Variants in WNK3 observed in about 807,000 individuals in gnomAD.
The protein encoded by WNK3 is WNK lysine deficient protein kinase 3.
In WNK3, 18 loss-of-function variants were observed where a neutral mutation model predicts 116.7. The ratio of observed to expected loss-of-function variants is 0.15; its 90% CI spans 0.11 to 0.23. The LOEUF is 0.23. Ranked by LOEUF, WNK3 falls within the 10% of genes least tolerant of loss-of-function variation. The pLI, the probability that WNK3 is intolerant of heterozygous loss-of-function variation, is 1.00. For synonymous variants in WNK3, 404 were observed against 469.4 expected (o/e 0.86, Z 1.80); for missense variants, 993 against 1,323.8 (o/e 0.75, Z 3.88).
At position 54,355,682 on chromosome X, in the gene WNK3, A is replaced by G. The variant is rs1257942022; in HGVS notation, c.-120+2004T>C. On this transcript the variant is annotated intron_variant, in intron 1 of 23. Coordinates refer to ENST00000354646, the Ensembl canonical transcript of WNK3. ...GTTTATGTTATTCCCCTTCTTAAAC[A>G]ATCAAGAGTTCCTAATTCACCCCAG... 1.3e-4 allele frequency among the ~76,000 whole-genome samples: 15 copies of G among 111,430 alleles called. No individual in the cohort carries two copies. In the Admixed American group the frequency reaches 1.5e-3, roughly 11 times the overall value.
intron 17 of WNK3, among the ~76,000 whole-genome samples, chrX:54,242,382 A>G (rs1462655613): frequency 8.9e-6 from 1 of 112,012 alleles, no homozygotes; most frequent in African/African-American, 3.2e-5. Context: ...TGCAATCCCT[A>G]TCAAAACCCC....
intron 5 of WNK3, among the ~76,000 whole-genome samples, chrX:54,304,496 G>A (rs781841321): frequency 9.0e-4 from 97 of 107,884 alleles, no homozygotes; most frequent in African/African-American, 2.9e-3. Context: ...AGCCAAGATC[G>A]TACCACTGTA....
chrX:54,280,958 A>G (rs1285667385), intron 10 of WNK3, among the ~76,000 whole-genome samples: 5 of 111,609 alleles, frequency 4.5e-5, no homozygotes, highest in African/African-American at 1.6e-4. Context: ...TTAAAAAAAA[A>G]AGATTTTCTG....
chrX:54,200,719 C>T (rs2067492948), intron 23 of WNK3, among the ~76,000 whole-genome samples: 2 of 111,593 alleles, frequency 1.8e-5, no homozygotes, highest in African/African-American at 6.5e-5. Context: ...CTCCATTATA[C>T]TCCAGTAAAC....
chrX:54,293,778 T>C (rs1441120370), intron 8 of WNK3, among the ~76,000 whole-genome samples: 1 of 112,609 alleles, frequency 8.9e-6, no homozygotes, highest in Non-Finnish European at 1.9e-5. Flanking sequence ...ATTAGAGGAA[T>C]TGTGTTAATG....
In WNK3 at chrX:54,334,591, C is replaced by T. The variant is rs140071055; in HGVS notation, c.-119-799G>A. Among the ~76,000 whole-genome samples the T allele has an allele frequency of 1.4e-3, 152 of 109,543 alleles. 1 individual carries two copies. Among genetic ancestry groups the T allele is most frequent in the African/African-American group, 4.8e-3 (145 of 30,284 alleles). On this transcript the variant is annotated intron_variant, in intron 1 of 23. Coordinates refer to ENST00000354646, the Ensembl canonical transcript of WNK3. ...ATAATATTCCATATGTTATAGACCA[C>T]ATTTTGTTCATCCCATTCATCTGCC... is the stretch of plus-strand genomic sequence containing the variant.
intron 10 of WNK3, among the ~76,000 whole-genome samples, chrX:54,290,625 C>T (rs111862649): frequency 1.9e-4 from 21 of 111,709 alleles, no homozygotes; most frequent in Middle Eastern, 4.6e-3. Flanking sequence ...TCTTATTTAT[C>T]GCAATTTACT....
At chrX:54,327,899 T>C (rs2069124379) in intron 2 of WNK3, among the ~76,000 whole-genome samples, 1 of 108,679 alleles carries the variant, frequency 9.2e-6, no homozygotes, top group African/African-American at 3.4e-5. Flanking sequence ...GCCCACAAGG[T>C]CAAGGCTACA....
intron 22 of WNK3, among the ~76,000 whole-genome samples, chrX:54,226,073 G>C (rs1471578438): frequency 1.4e-5 from 1 of 68,975 alleles, no homozygotes; most frequent in Non-Finnish European, 2.4e-5. Flanking sequence ...AAAGTGCTAG[G>C]ACAAGGAGAT....
chrX:54,267,603 T>C (rs1557158051), intron 10 of WNK3, among the ~76,000 whole-genome samples: 1 of 109,605 alleles, frequency 9.1e-6, no homozygotes, highest in Admixed American at 9.8e-5. Flanking sequence ...CTGGCCAACA[T>C]GGTGAAACCC....
At chrX:54,228,872 A>G in intron 21 of WNK3, 129 bp from the exon 22 acceptor site, 1 of 361,784 alleles carries the variant, frequency 2.8e-6, no homozygotes. Context: ...TACAGTTAAC[A>G]TTATAATTTA....
In WNK3 at chrX:54,207,091, T is replaced by TA. The variant is rs782714833; in HGVS notation, c.4871-4899dup. On this transcript the variant is annotated intron_variant, in intron 22 of 23. Coordinates refer to ENST00000354646, the Ensembl canonical transcript of WNK3. Reference sequence around the variant, plus strand: ...TGCTGTTTTCAGATAAAATGCTGCTTAAAAAAAAAAAAAGCTTCAACAGTT... The same window carrying TA: ...TGCTGTTTTCAGATAAAATGCTGCTTAAAAAAAAAAAAAAGCTTCAACAGTT... 1.8e-3 allele frequency among the ~76,000 whole-genome samples: 179 copies of TA among 97,164 alleles called. 1 individual carries two copies. The highest frequency in any genetic ancestry group is 5.8e-3 in the African/African-American group (156 of 26,832). 84.4% of individuals were successfully genotyped at this position (97,164 alleles called of 115,157 possible).
At chrX:54,203,654 T>C (rs2067522598) in intron 22 of WNK3, among the ~76,000 whole-genome samples, 1 of 111,283 alleles carries the variant, frequency 9.0e-6, no homozygotes, top group Admixed American at 9.7e-5. Context: ...AGAATCCAGA[T>C]ATCCTGACTG....
chrX:54,238,497 TA>T (rs781958787), intron 18 of WNK3, 25 bp from the exon 19 acceptor site: 1 of 1,185,585 alleles, frequency 8.4e-7, no homozygotes, highest in Non-Finnish European at 1.1e-6. Flanking sequence ...AAATTGTAAG[TA>T]AAAAAGAGAA....
intron 1 of WNK3, among the ~76,000 whole-genome samples, chrX:54,340,688 C>A (rs1213910219): frequency 3.6e-5 from 4 of 111,071 alleles, no homozygotes; most frequent in Non-Finnish European, 7.6e-5. Flanking sequence ...TCTGAATAGA[C>A]ATTTCTATAA....
chrX:54,225,620 CAAA>C (rs781823865), intron 22 of WNK3, among the ~76,000 whole-genome samples: 3 of 50,896 alleles, frequency 5.9e-5, no homozygotes, highest in Admixed American at 2.4e-4. Context: ...GACTCTGTTT[CAAA>C]AAAAAAAAAA....
At chrX:54,225,987 T>A (rs2067831440) in intron 22 of WNK3, among the ~76,000 whole-genome samples, 1 of 107,290 alleles carries the variant, frequency 9.3e-6, no homozygotes, top group Non-Finnish European at 1.9e-5. Flanking sequence ...GAAATATATC[T>A]GTCCATTTCT....
At chrX:54,197,661 G>A (rs2067457983) in exon 24 of WNK3, 1 of 106,754 alleles carries the variant, frequency 9.4e-6, no homozygotes, top group African/African-American at 3.4e-5. Flanking sequence ...GGAGGGGGAG[G>A]TTGCAGCAGT....
At chrX:54,325,798 T>C (rs959530431) in intron 2 of WNK3, among the ~76,000 whole-genome samples, 1 of 110,088 alleles carries the variant, frequency 9.1e-6, no homozygotes, top group Non-Finnish European at 1.9e-5. Flanking sequence ...TGGTTGTATT[T>C]CCATGTGTAA....
Sources: gnomAD v4.1 joint callset for allele counts (sites outside exome capture counted in the v4.1 genomes callset) on GRCh38, gnomAD v4.1.1 for gene constraint, MANE v1.5 for transcripts, NCBI Gene and HGNC (gene_info 2026-07-23, HGNC 2026-07-21) for gene names.